FBXL17: variants seen among roughly 807,000 people sequenced by gnomAD.
FBXL17 encodes F-box and leucine rich repeat protein 17.
In FBXL17, 22 loss-of-function variants were observed where a neutral mutation model predicts 66.2. The observed-to-expected ratio is 0.33, with a 90% CI of 0.24 to 0.47. FBXL17 has a LOEUF of 0.47. FBXL17 is among the 20% of genes least tolerant of loss of function. The pLI, the probability that FBXL17 is intolerant of heterozygous loss-of-function variation, is 1.00. For missense variants in FBXL17, 878 were observed against 948.2 expected, an observed-to-expected ratio of 0.93 and a Z score of 0.97; for synonymous variants, 474 against 400.5, an observed-to-expected ratio of 1.18 and a Z score of -2.19.
At chr5:107,989,617 C>G (rs76181777) in intron 7 of FBXL17, among the ~76,000 whole-genome samples, 1 of 152,068 alleles carries the variant, frequency 6.6e-6, no homozygotes, top group Non-Finnish European at 1.5e-5. Context: ...GCTATCTCTT[C>G]GATAAACACT....
chr5:108,192,812 A>G (rs556182304), intron 5 of FBXL17, among the ~76,000 whole-genome samples: 79 of 152,214 alleles, frequency 5.2e-4, no homozygotes, highest in African/African-American at 1.9e-3. Flanking sequence ...AAAGAAAAGA[A>G]AAGATCAGAC....
chr5:108,272,552 C>T (rs1757319636), intron 4 of FBXL17, among the ~76,000 whole-genome samples: 1 of 151,906 alleles, frequency 6.6e-6, no homozygotes, highest in African/African-American at 2.4e-5. Context: ...ACAGGTTTCA[C>T]CATGTTGGCC....
At chr5:108,192,611 G>C (rs1753511838) in intron 5 of FBXL17, among the ~76,000 whole-genome samples, 1 of 152,062 alleles carries the variant, frequency 6.6e-6, no homozygotes, top group Non-Finnish European at 1.5e-5. Flanking sequence ...GACCAACGTG[G>C]TGAAACCCTG....
chr5:107,873,886 G>C (rs557334094), intron 8 of FBXL17, among the ~76,000 whole-genome samples: 49 of 152,288 alleles, frequency 3.2e-4, no homozygotes, highest in Middle Eastern at 3.4e-3. Flanking sequence ...TTGGGGAACA[G>C]TAGGCTCTCT....
rs1753216362 is a variant in FBXL17, at chr5:108,186,042, T to C, written c.1745+75A>G. 4 of 1,205,938 alleles carry C rather than the reference T, an allele frequency of 3.3e-6. No individual in the cohort carries two copies. The African/African-American group carries it at 4.6e-5, about 14-fold the overall frequency. The allele number at this position is 1,205,938 out of a possible 1,614,324, so 74.7% of individuals were successfully genotyped here. A position where few individuals can be genotyped will look rare whatever the true frequency, so the allele number is the denominator to read the frequency against. On this transcript the variant is annotated intron_variant, in intron 6 of 8. Transcript: ENST00000542267. ...CTGTATTCAATTTTAGTTATAGACATGCCTTGTTATAATAATTAATATTTC... is the reference window on the plus strand; with the variant it reads ...CTGTATTCAATTTTAGTTATAGACACGCCTTGTTATAATAATTAATATTTC...
chr5:108,052,233 AG>A (rs1364513311), intron 6 of FBXL17, among the ~76,000 whole-genome samples: 1 of 152,160 alleles, frequency 6.6e-6, no homozygotes, highest in African/African-American at 2.4e-5. Context: ...AAAGAAATAA[AG>A]GGTATTCAAA....
chr5:107,867,391 T>C (rs1037797098), intron 8 of FBXL17, among the ~76,000 whole-genome samples: 18 of 152,226 alleles, frequency 1.2e-4, no homozygotes, highest in Admixed American at 9.8e-4. Context: ...GATAACCTGA[T>C]GGCAACCCTC....
In FBXL17 at chr5:107,880,935, A is replaced by G. The variant is rs1180720394; in HGVS notation, c.1965+102T>C. On this transcript the variant is annotated intron_variant, in intron 8 of 8. Transcript: ENST00000542267. ...TACATATAAAATGTATATATAATATATAATACACGGGGGTGGAGATAGAGA... is the reference window on the plus strand; with the variant it reads ...TACATATAAAATGTATATATAATATGTAATACACGGGGGTGGAGATAGAGA... 1.9e-6 allele frequency: 3 copies of G among 1,581,648 alleles called. No individual in the cohort carries two copies. The African/African-American group carries it at 4.1e-5, about 21-fold the overall frequency.
At chr5:108,098,165 A>C (rs12654751) in intron 6 of FBXL17, among the ~76,000 whole-genome samples, 22,976 of 152,150 alleles carry the variant, frequency 0.15, 1,802 homozygotes, top group Admixed American at 0.18. Flanking sequence ...CTAAAAAAAA[A>C]CAGAAATCTA....
At chr5:108,372,977 A>G (rs989524845) in intron 1 of FBXL17, among the ~76,000 whole-genome samples, 9 of 152,120 alleles carry the variant, frequency 5.9e-5, no homozygotes, top group African/African-American at 2.2e-4. Flanking sequence ...GATTGGCACA[A>G]AATTCATAAA....
intron 7 of FBXL17, among the ~76,000 whole-genome samples, chr5:108,015,724 G>A (rs1754357647): frequency 6.6e-6 from 1 of 152,140 alleles, no homozygotes; most frequent in African/African-American, 2.4e-5. Flanking sequence ...CTTTGATGAT[G>A]TATCCCAGAT....
At chr5:107,909,828 T>C (rs571971810) in intron 7 of FBXL17, among the ~76,000 whole-genome samples, 9 of 152,254 alleles carry the variant, frequency 5.9e-5, no homozygotes, top group South Asian at 2.1e-4. Context: ...AGCACTGGGA[T>C]CAGACCAGAG....
intron 1 of FBXL17, among the ~76,000 whole-genome samples, chr5:108,370,250 A>C (rs1561560233): frequency 6.6e-6 from 1 of 152,200 alleles, no homozygotes; most frequent in Non-Finnish European, 1.5e-5. Context: ...GTTGAACTAA[A>C]GGCTATTAGT....
At chr5:107,958,083 C>T (rs7701221) in intron 7 of FBXL17, among the ~76,000 whole-genome samples, 14,343 of 149,472 alleles carry the variant, frequency 0.096, 719 homozygotes, top group South Asian at 0.13. Flanking sequence ...GTGAACAGCG[C>T]GATTATTTCC....
chr5:108,318,344 G>A (rs1163743451), intron 4 of FBXL17, among the ~76,000 whole-genome samples: 1 of 151,332 alleles, frequency 6.6e-6, no homozygotes, highest in African/African-American at 2.4e-5. Context: ...AGTATTTACT[G>A]ACCTCCTATT....
At chr5:108,107,639 C>T (rs1053943312) in intron 6 of FBXL17, among the ~76,000 whole-genome samples, 7 of 151,426 alleles carry the variant, frequency 4.6e-5, no homozygotes, top group Non-Finnish European at 8.8e-5. Flanking sequence ...GGTGAAACCC[C>T]ATCTCTACTA....
chr5:108,302,550 T>C (rs1758641176), intron 4 of FBXL17, among the ~76,000 whole-genome samples: 1 of 151,802 alleles, frequency 6.6e-6, no homozygotes, highest in South Asian at 2.1e-4. Flanking sequence ...AAACAAAGAC[T>C]GAAAAATTTC....
rs199624265 is a variant in FBXL17, at chr5:107,902,819, G to GT, written c.1823-21641dup. Among the ~76,000 whole-genome samples, 159 of 145,192 alleles carry GT rather than the reference G, an allele frequency of 1.1e-3. No individual in the cohort carries two copies. The East Asian group carries it at 0.012, about 11-fold the overall frequency. On this transcript the variant is annotated intron_variant, in intron 7 of 8. Transcript: ENST00000542267. ...GGTATCTATTTTAATTGCACAAAGT[G>GT]TTTTTTTTTTTAATAACTTGCAGGC...
At position 108,380,998 on chromosome 5, in the gene FBXL17, GCCCTCC is replaced by G. The variant is rs1291964116; in HGVS notation, c.688_693del (p.Gly230_Gly231del). 2.5e-6 allele frequency: 3 copies of G among 1,198,118 alleles called. No individual in the cohort carries two copies. Among genetic ancestry groups the G allele is most frequent in the East Asian group, 6.9e-5 (2 of 29,156 alleles). 74.2% of individuals were successfully genotyped at this position (1,198,118 alleles called of 1,614,324 possible). The stretch of plus-strand genomic sequence containing the variant: ...GGCGGCGAAGCGCCTCCCCCCGCAG[GCCCTCC>G]CCCGCCACCGCCGCCGCCGCCGCCG... On this transcript the variant is annotated inframe_deletion, in exon 1 of 9. Coordinates refer to ENST00000542267, the MANE Select transcript of FBXL17 (RefSeq NM_001163315.3).
Sources: allele counts gnomAD v4.1 joint callset (sites outside exome capture counted in the v4.1 genomes callset), GRCh38; gene constraint gnomAD v4.1.1; transcripts MANE v1.5; gene names NCBI Gene and HGNC (gene_info 2026-07-23, HGNC 2026-07-21).